HFM1: variants seen among roughly 807,000 people sequenced by gnomAD.
HFM1 encodes the protein probable ATP-dependent DNA helicase HFM1.
HFM1 carries 169 observed loss-of-function variants against 192.1 expected under a neutral mutation model. The ratio of observed to expected loss-of-function variants is 0.88; its 90% CI spans 0.78 to 1.00. The LOEUF is 1.00. Among genes scored for constraint, HFM1 ranks in the 50% least tolerant of loss-of-function variants. The pLI is 0.00. For missense variants in HFM1, 1,661 were observed against 1,668.0 expected (o/e 1.00, Z 0.07); for synonymous variants, 525 against 537.8 (o/e 0.98, Z 0.33).
At chr1:91,352,325 T>G (rs1294970342) in intron 16 of HFM1, among the ~76,000 whole-genome samples, 181 bp downstream of exon 16, 1 of 151,796 alleles carries the variant, frequency 6.6e-6, no homozygotes, top group African/African-American at 2.4e-5. Flanking sequence ...TTAGACAGAA[T>G]GAAGGAAGTA....
chr1:91,397,405 A>T (rs1663792357), intron 2 of HFM1, among the ~76,000 whole-genome samples: 1 of 152,208 alleles, frequency 6.6e-6, no homozygotes, highest in Admixed American at 6.5e-5. Context: ...TAGGACAAAA[A>T]GATAAGTGTT....
rs1022981142 is a variant in HFM1 at position 91,373,653 on chromosome 1, C to T, written c.1685+1705G>A. Reference sequence around the variant, plus strand: ...TTGCTTAAAAGTGTATGGTACCCCCCGACCCCTACTCCTGCTCTCACCATG... The same window carrying T: ...TTGCTTAAAAGTGTATGGTACCCCCTGACCCCTACTCCTGCTCTCACCATG... On this transcript the variant is annotated intron_variant, in intron 13 of 38. Coordinates refer to ENST00000370425, the MANE Select transcript of HFM1 (RefSeq NM_001017975.6). 5.9e-5 allele frequency among the ~76,000 whole-genome samples: 9 copies of T among 151,726 alleles called. No homozygotes were observed. The East Asian group carries it at 1.4e-3, about 23-fold the overall frequency.
At chr1:91,401,961 G>C (rs1053120914) in intron 1 of HFM1, among the ~76,000 whole-genome samples, 2 of 150,602 alleles carry the variant, frequency 1.3e-5, no homozygotes, top group African/African-American at 4.9e-5. Flanking sequence ...GCTCCCATTA[G>C]AATTATTTTT....
intron 13 of HFM1, among the ~76,000 whole-genome samples, chr1:91,372,534 C>A (rs1310248454): frequency 6.6e-6 from 1 of 152,012 alleles, no homozygotes. Flanking sequence ...GGGAATTGAA[C>A]AATGAGAACA....
At chr1:91,364,934 GTA>G (rs539492527) in intron 13 of HFM1, among the ~76,000 whole-genome samples, 2 of 151,176 alleles carry the variant, frequency 1.3e-5, no homozygotes, top group African/African-American at 4.9e-5. Context: ...CGCCTGGTGT[GTA>G]TATATATATA....
chr1:91,341,007 C>T (rs974129416), intron 20 of HFM1, among the ~76,000 whole-genome samples: 3 of 152,144 alleles, frequency 2.0e-5, no homozygotes, highest in Non-Finnish European at 1.5e-5. Flanking sequence ...GCTTCAACAC[C>T]CCACTGACAG....
Position 91,324,780 on chromosome 1 carries a change from CAG to C in HFM1, c.2336-16_2336-15del, listed in dbSNP as rs1491136156. 1 of 1,405,174 alleles carries C rather than the reference CAG, an allele frequency of 7.1e-7. No individual in the cohort carries two copies. The highest frequency in any genetic ancestry group is 1.2e-5 in the South Asian group (1 of 85,988). The allele number at this position is 1,405,174 out of a possible 1,614,324, so 87.0% of individuals were successfully genotyped here. A position where few individuals can be genotyped will look rare whatever the true frequency, so the allele number is the denominator to read the frequency against. Reference sequence around the variant, plus strand: ...ATCTTCCTGCTTCTGTAAGAAAAGACAGAAAAATGAACGGTCCCCTCATCAGC... The same window carrying C: ...ATCTTCCTGCTTCTGTAAGAAAAGACAAAAATGAACGGTCCCCTCATCAGC... On this transcript the variant is annotated splice_polypyrimidine_tract_variant and intron_variant, in intron 20 of 38. Transcript: ENST00000370425.
At chr1:91,392,036 A>G (rs1457796569) in intron 4 of HFM1, among the ~76,000 whole-genome samples, 1 of 152,220 alleles carries the variant, frequency 6.6e-6, no homozygotes, top group Non-Finnish European at 1.5e-5. Context: ...GAAAATCAAA[A>G]CCACAATGAG....
chr1:91,335,912 CTT>C (rs1221734160), intron 20 of HFM1, among the ~76,000 whole-genome samples: 2 of 152,056 alleles, frequency 1.3e-5, no homozygotes, highest in Non-Finnish European at 2.9e-5. Context: ...TTCCTATCAA[CTT>C]TGCCAAATGT....
intron 20 of HFM1, among the ~76,000 whole-genome samples, chr1:91,340,341 A>G (rs553453047): frequency 6.6e-6 from 1 of 152,200 alleles, no homozygotes; most frequent in Non-Finnish European, 1.5e-5. Context: ...AACTCCAACC[A>G]TAAGTTTCAT....
intron 30 of HFM1, among the ~76,000 whole-genome samples, chr1:91,287,687 A>G (rs1668183407): frequency 6.6e-6 from 1 of 152,062 alleles, no homozygotes. Context: ...AGCTGAGAGA[A>G]GAAGTCTTCA....
At chr1:91,350,155 CTT>C (rs1334008795) in intron 18 of HFM1, among the ~76,000 whole-genome samples, 16 of 152,020 alleles carry the variant, frequency 1.1e-4, no homozygotes. Context: ...ATTAATTACT[CTT>C]TGAGATCTGA....
chr1:91,334,648 C>T (rs1424457468), intron 20 of HFM1, among the ~76,000 whole-genome samples: 2 of 151,874 alleles, frequency 1.3e-5, no homozygotes, highest in South Asian at 4.2e-4. Context: ...TTACTGGATT[C>T]GGCCGGGCGC....
rs746876084 is a variant in HFM1, at chr1:91,394,235, C to T, written c.352G>A (p.Ala118Thr). 6.3e-7 allele frequency: 1 copy of T among 1,599,862 alleles called. No homozygotes were observed. Among genetic ancestry groups the T allele is most frequent in the Non-Finnish European group, 8.6e-7 (1 of 1,167,074 alleles). The change falls in exon 4 of 39, where the codon GCT becomes ACT. Residue 118 changes from alanine to threonine, a missense_variant. Ala to Thr is a moderately conservative substitution (Grantham distance 58). Transcript: ENST00000370425. ...TGAGAAGCATATGTCAGCTTGCCAG[C>T]AATATGTGATAAGTCATTATTACCT... The part of the protein sequence containing the change: ...GVGNNDLSHI[A>T]GKLTYASQKY...
intron 34 of HFM1, among the ~76,000 whole-genome samples, chr1:91,269,134 T>C (rs1036487433): frequency 6.6e-6 from 1 of 152,116 alleles, no homozygotes; most frequent in East Asian, 1.9e-4. Context: ...TAGTATTTGC[T>C]GATTCCTATG....
chr1:91,319,220 A>T lies in HFM1; in HGVS notation c.2681-11T>A. 1 of 1,602,942 alleles carries T rather than the reference A, an allele frequency of 6.2e-7. No individual in the cohort carries two copies. Among genetic ancestry groups the T allele is most frequent in the Non-Finnish European group, 8.5e-7 (1 of 1,176,000 alleles). On this transcript the variant is annotated splice_polypyrimidine_tract_variant and intron_variant, in intron 24 of 38. Coordinates refer to ENST00000370425, the MANE Select transcript of HFM1 (RefSeq NM_001017975.6). The stretch of plus-strand genomic sequence containing the variant: ...CAAAATCTGACAACCCTAAAAAAAA[A>T]GTTTCCAGTATTAAATCTAATATAC...
chr1:91,377,727 A>C lies in HFM1; in HGVS notation c.1395+298T>G, dbSNP rs532680650. ...ACAATTAGAGTCAGCTAGTTACAACAACCATCACATATTGTTAGTGAAGTT... is the reference window on the plus strand; with the variant it reads ...ACAATTAGAGTCAGCTAGTTACAACCACCATCACATATTGTTAGTGAAGTT... On this transcript the variant is annotated intron_variant, in intron 11 of 38. Transcript: ENST00000370425. 4 of 355,418 alleles carry C rather than the reference A, an allele frequency of 1.1e-5. No homozygotes were observed. In the South Asian group the frequency reaches 1.5e-4, roughly 13 times the overall value. 22.0% of individuals were successfully genotyped at this position (355,418 alleles called of 1,614,324 possible). A position where few individuals can be genotyped will look rare whatever the true frequency, so the allele number is the denominator to read the frequency against.
At chr1:91,263,591 T>A (rs566618490) in intron 36 of HFM1, among the ~76,000 whole-genome samples, 1 of 151,786 alleles carries the variant, frequency 6.6e-6, no homozygotes, top group African/African-American at 2.4e-5. Context: ...AAAAAAAAAT[T>A]TTTTTTAATT....
chr1:91,347,184 A>AC (rs1349861664), intron 19 of HFM1, among the ~76,000 whole-genome samples: 1 of 152,164 alleles, frequency 6.6e-6, no homozygotes, highest in Non-Finnish European at 1.5e-5. Flanking sequence ...AGAAATAAAA[A>AC]CCAAATAAAC....
Sources: allele counts gnomAD v4.1 joint callset (sites outside exome capture counted in the v4.1 genomes callset), GRCh38; gene constraint gnomAD v4.1.1; transcripts MANE v1.5; gene names NCBI Gene and HGNC (gene_info 2026-07-23, HGNC 2026-07-21).